The following HIPK1 variants were observed in gnomAD, a reference collection of about 807,000 sequenced individuals.
HIPK1 encodes the protein homeodomain-interacting protein kinase 1.
A neutral mutation model predicts 117.1 loss-of-function variants in HIPK1; 28 were observed. That is an observed-to-expected ratio of 0.24 (90% confidence interval 0.18 to 0.33). HIPK1 has a LOEUF of 0.33. Among genes scored for constraint, HIPK1 ranks in the 10% least tolerant of loss-of-function variants. HIPK1 has a pLI of 1.00. For synonymous variants in HIPK1, 605 were observed against 562.5 expected (o/e 1.08, Z -1.07); for missense variants, 1,122 against 1,475.1 (o/e 0.76, Z 3.92).
chr1:113,969,457 T>C (rs539771392), intron 13 of HIPK1, among the ~76,000 whole-genome samples: 31 of 152,182 alleles, frequency 2.0e-4, no homozygotes, highest in Non-Finnish European at 4.0e-4. Flanking sequence ...AGGATTGTTG[T>C]AAGGATTCAG....
At chr1:113,946,994 C>T (rs909312158) in intron 2 of HIPK1, among the ~76,000 whole-genome samples, 1 of 152,188 alleles carries the variant, frequency 6.6e-6, no homozygotes, top group Non-Finnish European at 1.5e-5. Context: ...TAAGTCCTCA[C>T]CCTTCTGTCT....
At chr1:113,953,400 C>T (rs1671496189) in intron 3 of HIPK1, among the ~76,000 whole-genome samples, 1 of 152,112 alleles carries the variant, frequency 6.6e-6, no homozygotes, top group Admixed American at 6.5e-5. Flanking sequence ...TGATCTGTAT[C>T]TAAAAATAGA....
At position 113,940,884 on chromosome 1, in the gene HIPK1, C is replaced by G; in HGVS notation, c.501C>G (p.Ser167Arg). ...ATTTTVTTKS[S>R]SSSGEGDYQL... ...CCACCACTGTGACCACAAAGAGTAG[C>G]AGTTCCAGCGGAGAAGGGGATTACC... The change falls in exon 2 of 16, where the codon AGC becomes AGG. Residue 167 changes from serine to arginine, a missense_variant. Coordinates refer to ENST00000426820, the MANE Select transcript of HIPK1 (RefSeq NM_198268.3). 6.2e-7 allele frequency: 1 copy of G among 1,614,154 alleles called. No individual in the cohort carries two copies. Among genetic ancestry groups the G allele is most frequent in the Non-Finnish European group, 8.5e-7 (1 of 1,180,046 alleles).
chr1:113,950,512 T>A (rs1671279756), intron 2 of HIPK1, among the ~76,000 whole-genome samples: 2 of 152,166 alleles, frequency 1.3e-5, no homozygotes, highest in Admixed American at 6.5e-5. Context: ...TACCATCCTT[T>A]TTCTTTTGTT....
At chr1:113,953,967 G>C (rs1056633370) in intron 3 of HIPK1, 5 of 151,166 alleles carry the variant, frequency 3.3e-5, no homozygotes, top group African/African-American at 1.2e-4. Flanking sequence ...TGGTTTTTAA[G>C]TTTTTATTTT....
At chr1:113,952,185 C>G (rs1390748428) in intron 2 of HIPK1, among the ~76,000 whole-genome samples, 1 of 151,922 alleles carries the variant, frequency 6.6e-6, no homozygotes, top group Non-Finnish European at 1.5e-5. Flanking sequence ...GTGATCCACC[C>G]GCTTCGGCTT....
Position 113,967,855 on chromosome 1 carries a change from C to T in HIPK1, c.2471C>T (p.Pro824Leu), listed in dbSNP as rs748497139. The T allele has an allele frequency of 6.8e-6, 11 of 1,612,882 alleles. No individual in the cohort carries two copies. Among genetic ancestry groups the T allele is most frequent in the Non-Finnish European group, 9.3e-6 (11 of 1,179,780 alleles). The change falls in exon 12 of 16, where the codon CCT (proline) becomes CTT (leucine). Residue 824 changes from proline (P) to leucine (L), a missense_variant. Pro to Leu is a moderately conservative substitution (Grantham distance 98). This residue lies in a region of HIPK1 where 731 missense variants were observed against 860.4 expected (regional missense o/e 0.85). Coordinates refer to ENST00000426820, the MANE Select transcript of HIPK1 (RefSeq NM_198268.3). ...CATGTGACATTGGCCACTGCTCAGCCTCTGAATGTTGGTGTTGCCCATGTT... is the reference window on the plus strand; with the variant it reads ...CATGTGACATTGGCCACTGCTCAGCTTCTGAATGTTGGTGTTGCCCATGTT... The part of the protein sequence containing the change: ...TNHVTLATAQ[P>L]LNVGVAHVVR...
At chr1:113,948,236 A>T (rs964286985) in intron 2 of HIPK1, among the ~76,000 whole-genome samples, 3 of 152,150 alleles carry the variant, frequency 2.0e-5, no homozygotes, top group Non-Finnish European at 4.4e-5. Flanking sequence ...AATAATACAA[A>T]ACCCTCAGTG....
chr1:113,970,033 G>A lies in HIPK1; in HGVS notation c.2849G>A (p.Ser950Asn). 2 of 1,614,174 alleles carry A rather than the reference G, an allele frequency of 1.2e-6. No homozygotes were observed. The highest frequency in any genetic ancestry group is 1.7e-6 in the Non-Finnish European group (2 of 1,180,032). Residue 950 changes from serine (S) to asparagine (N), a missense_variant, in exon 14 of 16, where the codon AGC becomes AAC. Ser to Asn is a conservative substitution (Grantham distance 46, BLOSUM62 1). Coordinates refer to ENST00000426820, the MANE Select transcript of HIPK1 (RefSeq NM_198268.3). ...TCTCCAGACTCTGACTCTTCTTTGA[G>A]CAGCCCTTATTCCACTGATACCCTG... ...NDSPDSDSSL[S>N]SPYSTDTLSA...
At chr1:113,934,040 T>A (rs191396385) in intron 1 of HIPK1, among the ~76,000 whole-genome samples, 1 of 152,200 alleles carries the variant, frequency 6.6e-6, no homozygotes, top group Non-Finnish European at 1.5e-5. Context: ...TGTACTCTTA[T>A]CATCTGTAAA....
chr1:113,932,318 A>C (rs993421313), intron 1 of HIPK1: 2 of 151,420 alleles, frequency 1.3e-5, no homozygotes, highest in African/African-American at 2.4e-5. Flanking sequence ...GACCTTTGCC[A>C]GCATTGCTAC....
chr1:113,955,435 CTTTCATG>C, intron 4 of HIPK1, 121 bp from the exon 5 acceptor site: 1 of 640,050 alleles, frequency 1.6e-6, no homozygotes, highest in Non-Finnish European at 2.8e-6. Context: ...TTGTGAATTA[CTTTCATG>C]TTTGCCATCT....
intron 1 of HIPK1, among the ~76,000 whole-genome samples, chr1:113,930,259 GT>G (rs1206923172): frequency 1.3e-5 from 2 of 152,266 alleles, no homozygotes; most frequent in Admixed American, 6.5e-5. Flanking sequence ...CACTCGGCCG[GT>G]TTTTTCCCCG....
chr1:113,973,577 G>A lies in HIPK1; in HGVS notation c.*65G>A. ...CCTGGCCCTGCGTTCTTAATATTGG[G>A]CTATGGAGAGATCCTCCTTTACCCT... On this transcript the variant is annotated 3_prime_UTR_variant, in exon 16 of 16. Coordinates refer to ENST00000426820, the MANE Select transcript of HIPK1 (RefSeq NM_198268.3). 6.6e-7 allele frequency: 1 copy of A among 1,506,494 alleles called. No individual in the cohort carries two copies. Among genetic ancestry groups the A allele is most frequent in the African/African-American group, 1.4e-5 (1 of 71,662 alleles). The allele number at this position is 1,506,494 out of a possible 1,614,324, so 93.3% of individuals were successfully genotyped here. A position where few individuals can be genotyped will look rare whatever the true frequency, so the allele number is the denominator to read the frequency against.
intron 1 of HIPK1, among the ~76,000 whole-genome samples, chr1:113,939,666 GGTAGA>G (rs1238605993): frequency 2.0e-5 from 3 of 152,004 alleles, no homozygotes; most frequent in Non-Finnish European, 2.9e-5. Flanking sequence ...AGGGGCAAAG[GGTAGA>G]GCAAGGAAAG....
chr1:113,934,412 A>T (rs775900701), intron 1 of HIPK1, among the ~76,000 whole-genome samples: 1 of 152,208 alleles, frequency 6.6e-6, no homozygotes, highest in Admixed American at 6.5e-5. Flanking sequence ...GGATGTGACC[A>T]TGCCAGGGAG....
chr1:113,956,834 C>G (rs1671759834), intron 6 of HIPK1, 23 bp downstream of exon 6: 4 of 1,606,124 alleles, frequency 2.5e-6, no homozygotes, highest in African/African-American at 1.3e-5. Flanking sequence ...TATTCTGGGG[C>G]TTTTGCCATG....
At chr1:113,952,409 T>C (rs890978675) in intron 2 of HIPK1, among the ~76,000 whole-genome samples, 1 of 152,208 alleles carries the variant, frequency 6.6e-6, no homozygotes, top group South Asian at 2.1e-4. Flanking sequence ...AGACCTGACT[T>C]GAACCATTGT....
At chr1:113,933,979 G>A (rs1242698540) in intron 1 of HIPK1, among the ~76,000 whole-genome samples, 4 of 152,150 alleles carry the variant, frequency 2.6e-5, no homozygotes, top group Non-Finnish European at 4.4e-5. Flanking sequence ...TAGGTGTTCT[G>A]TTGGGAAGAA....
Sources: gnomAD v4.1 joint callset for allele counts (sites outside exome capture counted in the v4.1 genomes callset) on GRCh38, gnomAD v4.1.1 for gene constraint, gnomAD v4.1.1 regional missense constraint, MANE v1.5 for transcripts, NCBI Gene and HGNC (gene_info 2026-07-23, HGNC 2026-07-21) for gene names.